DEDD: variants seen among roughly 807,000 people sequenced by gnomAD.
DEDD encodes the protein death effector domain containing.
A neutral mutation model predicts 29.2 loss-of-function variants in DEDD; 3 were observed. The observed-to-expected ratio is 0.10, with a 90% CI of 0.05 to 0.27. The LOEUF (loss-of-function observed/expected upper bound fraction) is 0.27, where lower values mean the gene tolerates loss of function less well. DEDD is among the 10% of genes least tolerant of loss of function. The pLI is 1.00. For missense variants in DEDD, 261 were observed against 420.5 expected (o/e 0.62, Z 3.32); for synonymous variants, 152 against 161.3 (o/e 0.94, Z 0.44).
chr1:161,123,095 G>A lies in DEDD; in HGVS notation c.560C>T (p.Pro187Leu), dbSNP rs1386601549. The A allele has an allele frequency of 1.2e-6, 2 of 1,614,138 alleles. No homozygotes were observed. The highest frequency in any genetic ancestry group is 8.5e-7 in the Non-Finnish European group (1 of 1,180,026). ...CTCACCACATGTCTGCTTCTCCTTG[G>A]GATCTGGTGTCACTGACTTCCGGCG... ...RKRRKSVTPD[P>L]KEKQTCDIRL... Residue 187 changes from proline to leucine, a missense_variant, in exon 5 of 6, where the codon CCC becomes CTC. Around this residue, in one of 2 missense-constraint regions of DEDD, gnomAD observed 203 missense variants for 268.7 expected, o/e 0.76. Transcript: ENST00000368006.
rs1655557716 is a variant in DEDD at position 161,122,043 on chromosome 1, G to GAATT, written c.*103_*104insAATT. On this transcript the variant is annotated 3_prime_UTR_variant, in exon 6 of 6. Coordinates refer to ENST00000368006, the MANE Select transcript of DEDD (RefSeq NM_032998.3). The surrounding 1 kb of genome is among the most constrained non-coding windows in gnomAD (Gnocchi z 4.2). ...TTTCTTTAAAAAAAAAAAAAAAAAGGCAGGGGTGTGATTGGTTGGAAGGGT... is the reference window on the plus strand; with the variant it reads ...TTTCTTTAAAAAAAAAAAAAAAAAGGAATTCAGGGGTGTGATTGGTTGGAAGGGT... 4 of 1,316,172 alleles carry GAATT rather than the reference G, an allele frequency of 3.0e-6. No individual in the cohort carries two copies. Among genetic ancestry groups the GAATT allele is most frequent in the Non-Finnish European group, 4.1e-6 (4 of 980,036 alleles). The allele number at this position is 1,316,172 out of a possible 1,614,324, so 81.5% of individuals were successfully genotyped here. A position where few individuals can be genotyped will look rare whatever the true frequency, so the allele number is the denominator to read the frequency against.
chr1:161,129,742 GAACT>G (rs1324838316), intron 2 of DEDD, among the ~76,000 whole-genome samples: 6 of 152,072 alleles, frequency 3.9e-5, no homozygotes, highest in South Asian at 2.1e-4. Flanking sequence ...CAGAAAATTA[GAACT>G]AACTCAAGTC....
rs1655630309 is a variant in DEDD, at chr1:161,122,607, A to T, written c.581-84T>A. The stretch of plus-strand genomic sequence containing the variant: ...CCAAGCTTGAAAACTGAAAAGCACA[A>T]CAGAATAAAAAAGTAGGGAATATCA... On this transcript the variant is annotated intron_variant, in intron 5 of 5. Transcript: ENST00000368006. This position sits in a 1 kb window ranked among gnomAD's most constrained non-coding sequence, Gnocchi z 4.2. 1.3e-6 allele frequency: 2 copies of T among 1,509,332 alleles called. No individual in the cohort carries two copies. Among genetic ancestry groups the T allele is most frequent in the African/African-American group, 2.8e-5 (2 of 71,546 alleles). 93.5% of individuals were successfully genotyped at this position (1,509,332 alleles called of 1,614,324 possible). A position where few individuals can be genotyped will look rare whatever the true frequency, so the allele number is the denominator to read the frequency against.
In DEDD at chr1:161,124,151, C is replaced by G; in HGVS notation, c.312G>C (p.Lys104Asn). Reference sequence around the variant, plus strand: ...ATACTTCCTCACCAGCCCGTCTCCTCTTGAGGGTGACGTAGGGCAGCAGGT... The same window carrying G: ...ATACTTCCTCACCAGCCCGTCTCCTGTTGAGGGTGACGTAGGGCAGCAGGT... ...RHDLLPYVTL[K>N]RRRAVCPDLV... Residue 104 changes from lysine (K) to asparagine (N), a missense_variant, in exon 3 of 6, where the codon AAG becomes AAC. Around this residue, in one of 2 missense-constraint regions of DEDD, gnomAD observed 203 missense variants for 268.7 expected, o/e 0.76. Transcript: ENST00000368006. 6.2e-7 allele frequency: 1 copy of G among 1,613,214 alleles called. No homozygotes were observed. The highest frequency in any genetic ancestry group is 8.5e-7 in the Non-Finnish European group (1 of 1,179,296).
intron 1 of DEDD, 45 bp from the exon 2 acceptor site, chr1:161,130,892 G>A (rs1398219233): frequency 1.3e-5 from 2 of 152,238 alleles, no homozygotes; most frequent in East Asian, 1.9e-4. Flanking sequence ...AACAAATAAG[G>A]AGGGGAAAAT....
At chr1:161,130,486 G>C (rs570205874) in intron 2 of DEDD, among the ~76,000 whole-genome samples, 36 of 152,030 alleles carry the variant, frequency 2.4e-4, no homozygotes, top group African/African-American at 7.5e-4. Context: ...AACCCTCCAA[G>C]GGCAACATTT....
rs994249890 is a variant in DEDD, at chr1:161,128,827, C to T, written c.-65+1988G>A. On this transcript the variant is annotated intron_variant, in intron 2 of 5. Transcript: ENST00000368006. ...ATTCCAGAAGAAAAGAAAAGCCTGT[C>T]GGACATACATGTTCATTTAACTCCC... Among the ~76,000 whole-genome samples, 8 of 152,048 alleles carry T rather than the reference C, an allele frequency of 5.3e-5. No individual in the cohort carries two copies. In the South Asian group the frequency reaches 8.3e-4, roughly 16 times the overall value.
At position 161,124,443 on chromosome 1, in the gene DEDD, C is replaced by T. The variant is rs1381291478; in HGVS notation, c.20G>A (p.Arg7Gln). Residue 7 changes from arginine to glutamine, a missense_variant, in exon 3 of 6, where the codon CGG becomes CAG. Arg to Gln is a conservative substitution (Grantham distance 43). This residue lies in a region of DEDD where 203 missense variants were observed against 268.7 expected (regional missense o/e 0.76). Coordinates refer to ENST00000368006, the MANE Select transcript of DEDD (RefSeq NM_032998.3). MAGLKR[R>Q]ASQVWPEEHG... ...CTCTTCTGGCCACACCTGGCTTGCC[C>T]GCCGCTTTAGGCCCGCCATGCTGGG... 7 of 1,604,586 alleles carry T rather than the reference C, an allele frequency of 4.4e-6. No homozygotes were observed. Among genetic ancestry groups the T allele is most frequent in the Admixed American group, 1.7e-5 (1 of 59,834 alleles).
chr1:161,122,047 G>A lies in DEDD; in HGVS notation c.*100C>T. ...TTTAAAAAAAAAAAAAAAAAGGCAG[G>A]GGTGTGATTGGTTGGAAGGGTAGAG... On this transcript the variant is annotated 3_prime_UTR_variant, in exon 6 of 6. Transcript: ENST00000368006. This position sits in a 1 kb window ranked among gnomAD's most constrained non-coding sequence, Gnocchi z 4.2. 7.1e-7 allele frequency: 1 copy of A among 1,401,022 alleles called. No homozygotes were observed. Among genetic ancestry groups the A allele is most frequent in the Non-Finnish European group, 9.5e-7 (1 of 1,048,892 alleles). The allele number at this position is 1,401,022 out of a possible 1,614,324, so 86.8% of individuals were successfully genotyped here. A position where few individuals can be genotyped will look rare whatever the true frequency, so the allele number is the denominator to read the frequency against.
intron 2 of DEDD, among the ~76,000 whole-genome samples, chr1:161,128,011 A>G (rs1656331463): frequency 6.6e-6 from 1 of 152,246 alleles, no homozygotes; most frequent in Non-Finnish European, 1.5e-5. Flanking sequence ...ACAGGAAAGC[A>G]CTGTGGTCCT....
chr1:161,130,462 G>T (rs915508406), intron 2 of DEDD, among the ~76,000 whole-genome samples: 5 of 152,076 alleles, frequency 3.3e-5, no homozygotes, highest in Non-Finnish European at 7.4e-5. Context: ...CCCACGGAAG[G>T]AAGGTGTCCC....
chr1:161,128,836 A>G (rs1256563340), intron 2 of DEDD, among the ~76,000 whole-genome samples: 8 of 152,090 alleles, frequency 5.3e-5, no homozygotes, highest in Non-Finnish European at 8.8e-5. Context: ...TCGGACATAC[A>G]TGTTCATTTA....
chr1:161,122,177 C>T lies in DEDD; in HGVS notation c.927G>A (p.Leu309=), dbSNP rs1187099077. ...EDYELGRQKL[L]RNLMLQALP ...GCAATGCTTGCAGCATCAAGTTCCT[C>T]AGGAGTTTCTGTCGGCCCAGCTCAT... is the stretch of plus-strand genomic sequence containing the variant. Residue 309 remains leucine, a synonymous_variant, in exon 6 of 6, where the codon CTG becomes CTA. Transcript: ENST00000368006. This position sits in a 1 kb window ranked among gnomAD's most constrained non-coding sequence, Gnocchi z 4.2. 6.2e-7 allele frequency: 1 copy of T among 1,613,882 alleles called. No individual in the cohort carries two copies. Among genetic ancestry groups the T allele is most frequent in the East Asian group, 2.2e-5 (1 of 44,896 alleles).
Position 161,123,872 on chromosome 1 carries a change from G to T in DEDD, c.400C>A (p.Pro134Thr), listed in dbSNP as rs768292725. Residue 134 changes from proline to threonine, a missense_variant, in exon 4 of 6, where the codon CCA becomes ACA. Transcript: ENST00000368006. ...GAGGGCTGGGGAGGCCTTGGTTCTGGATCACTGAGGGCTCTGGGGGTCACA... is the reference window on the plus strand; with the variant it reads ...GAGGGCTGGGGAGGCCTTGGTTCTGTATCACTGAGGGCTCTGGGGGTCACA... ...RYVTPRALSD[P>T]EPRPPQPSKT... 7 of 1,614,018 alleles carry T rather than the reference G, an allele frequency of 4.3e-6. No individual in the cohort carries two copies. The African/African-American group carries it at 8.0e-5, about 18-fold the overall frequency.
At chr1:161,132,149 C>G (rs1043652160) in intron 1 of DEDD, 2 of 153,872 alleles carry the variant, frequency 1.3e-5, no homozygotes, top group East Asian at 3.8e-4. Context: ...TCCCTCCAAC[C>G]ACATGCCACA....
chr1:161,125,978 A>G lies in DEDD; in HGVS notation c.-64-1452T>C, dbSNP rs140113393. 3.9e-4 allele frequency among the ~76,000 whole-genome samples: 59 copies of G among 152,312 alleles called. 1 individual carries two copies. Among genetic ancestry groups the G allele is most frequent in the Middle Eastern group, 6.8e-3 (2 of 294 alleles). ...AGCCATTAATCAATTCCCAAATTCA[A>G]CAACTTTGACTCAAGTCACTCATAC... On this transcript the variant is annotated intron_variant, in intron 2 of 5. Transcript: ENST00000368006.
intron 2 of DEDD, among the ~76,000 whole-genome samples, chr1:161,125,646 C>T (rs1434441186): frequency 6.6e-6 from 1 of 152,130 alleles, no homozygotes; most frequent in Non-Finnish European, 1.5e-5. Flanking sequence ...GGATTACAGG[C>T]ACGCACCACC....
Position 161,124,286 on chromosome 1 carries a change from T to G in DEDD, c.177A>C (p.Gly59=), listed in dbSNP as rs776848050. The G allele has an allele frequency of 1.9e-6, 3 of 1,614,134 alleles. No homozygotes were observed. The highest frequency in any genetic ancestry group is 2.5e-6 in the Non-Finnish European group (3 of 1,180,028). The stretch of plus-strand genomic sequence containing the variant: ...AGAAGTCACGTCCATTTCGGATGAG[T>G]CCACGCTCGTGGTCATCAATGACAT... The part of the protein sequence containing the change: ...FVDVIDDHER[G]LIRNGRDFLL... The change falls in exon 3 of 6, where the codon GGA becomes GGC. Residue 59 remains glycine (G), a synonymous_variant. Transcript: ENST00000368006.
intron 2 of DEDD, 120 bp from the exon 3 acceptor site, chr1:161,124,646 A>C: frequency 7.8e-7 from 1 of 1,274,398 alleles, no homozygotes; most frequent in Non-Finnish European, 1.0e-6. Context: ...CATGTTTATT[A>C]AATTTTTGAA....
Sources: gnomAD v4.1 joint callset for allele counts (sites outside exome capture counted in the v4.1 genomes callset) on GRCh38, gnomAD v4.1.1 for gene constraint, gnomAD v4.1.1 regional missense constraint, Gnocchi (gnomAD v3.1) non-coding constraint, MANE v1.5 for transcripts, NCBI Gene and HGNC (gene_info 2026-07-23, HGNC 2026-07-21) for gene names.